The following PCDH9 variants were observed in gnomAD, a reference collection of about 807,000 sequenced individuals.
PCDH9 encodes protocadherin 9, also known as protocadherin-9.
A neutral mutation model predicts 70.6 loss-of-function variants in PCDH9; 24 were observed. That is an observed-to-expected ratio of 0.34 (90% CI 0.25 to 0.48). The LOEUF (loss-of-function observed/expected upper bound fraction) is 0.48. Among genes scored for constraint, PCDH9 ranks in the 20% least tolerant of loss-of-function variants. PCDH9 has a pLI of 0.99. For missense variants in PCDH9, 1,281 were observed against 1,503.6 expected (o/e 0.85, Z 2.45); for synonymous variants, 562 against 558.5 (o/e 1.01, Z -0.09).
chr13:67,226,382 C>T lies in PCDH9; in HGVS notation c.2059G>A (p.Val687Met). The change falls in exon 2 of 5, where the codon GTG (valine) becomes ATG (methionine). Residue 687 changes from valine to methionine, a missense_variant. Val to Met is a conservative substitution (Grantham distance 21, BLOSUM62 1). Around this residue, in one of 4 missense-constraint regions of PCDH9, gnomAD observed 798 missense variants for 1,003.1 expected, o/e 0.80. Coordinates refer to ENST00000377865, the MANE Select transcript of PCDH9 (RefSeq NM_203487.3). The surrounding 1 kb of genome is among the most constrained non-coding windows in gnomAD (Gnocchi z 5.0). ...GAGCCAGGAATGGCTGAGAGGGGCA[C>T]CAACTTAAAGGAAGTATTAGACGGT... ...SPPSNTSFKL[V>M]PLSAIPGSVV... is the part of the protein sequence containing the mutation. 6.2e-7 allele frequency: 1 copy of T among 1,614,114 alleles called. No individual in the cohort carries two copies.
chr13:66,710,326 A>T (rs2078775424), intron 3 of PCDH9, among the ~76,000 whole-genome samples: 2 of 152,160 alleles, frequency 1.3e-5, no homozygotes, highest in South Asian at 4.1e-4. Context: ...AGGAAACAGA[A>T]TGCTTTGCTC....
chr13:67,010,764 T>C (rs1294630676), intron 2 of PCDH9, among the ~76,000 whole-genome samples: 2 of 151,996 alleles, frequency 1.3e-5, no homozygotes, highest in Non-Finnish European at 2.9e-5. Flanking sequence ...ACCTTTACTA[T>C]TAATAATTTA....
intron 3 of PCDH9, among the ~76,000 whole-genome samples, chr13:66,668,190 T>C (rs1007444687): frequency 6.6e-6 from 1 of 152,162 alleles, no homozygotes; most frequent in East Asian, 1.9e-4. Flanking sequence ...CATTTTTCTG[T>C]CTCTTTGTTT....
chr13:66,631,169 C>T, intron 4 of PCDH9, 41 bp downstream of exon 4: 1 of 1,026,404 alleles, frequency 9.7e-7, no homozygotes, highest in Non-Finnish European at 1.5e-6. Flanking sequence ...ACTACAAAAC[C>T]AGAACAACTC....
chr13:67,213,482 T>G (rs997030577), intron 2 of PCDH9: 2 of 152,052 alleles, frequency 1.3e-5, no homozygotes, highest in African/African-American at 4.8e-5. Context: ...TCTGCCTATG[T>G]GGTGGGATTA....
At chr13:66,604,365 C>T (rs559317557) in intron 4 of PCDH9, among the ~76,000 whole-genome samples, 147 of 152,074 alleles carry the variant, frequency 9.7e-4, no homozygotes, top group African/African-American at 3.0e-3. Flanking sequence ...GTATAATAGA[C>T]GAATAAATAG....
At chr13:67,092,010 C>T (rs1475393257) in intron 2 of PCDH9, among the ~76,000 whole-genome samples, 3 of 152,012 alleles carry the variant, frequency 2.0e-5, no homozygotes, top group Admixed American at 6.6e-5. Flanking sequence ...ATACTTATTC[C>T]TAAAATACAG....
chr13:66,681,211 A>G (rs964477841), intron 3 of PCDH9, among the ~76,000 whole-genome samples: 2 of 152,086 alleles, frequency 1.3e-5, no homozygotes, highest in Admixed American at 1.3e-4. Context: ...CCATTGCATT[A>G]TTTCTTTCCT....
chr13:66,922,639 G>T (rs551584576), intron 2 of PCDH9, among the ~76,000 whole-genome samples: 4 of 151,522 alleles, frequency 2.6e-5, no homozygotes, highest in African/African-American at 9.6e-5. Context: ...TTCATGCTTG[G>T]AAAGTTGTGA....
chr13:67,083,590 G>T (rs1031470827), intron 2 of PCDH9, among the ~76,000 whole-genome samples: 1 of 152,038 alleles, frequency 6.6e-6, no homozygotes, highest in African/African-American at 2.4e-5. Flanking sequence ...ATTTTTCTAT[G>T]AAAGGTGCTT....
chr13:66,949,383 T>C (rs2083141270), intron 2 of PCDH9, among the ~76,000 whole-genome samples: 1 of 151,966 alleles, frequency 6.6e-6, no homozygotes, highest in Non-Finnish European at 1.5e-5. Flanking sequence ...GGAGAGAAAA[T>C]AAACATGGAG....
intron 4 of PCDH9, among the ~76,000 whole-genome samples, chr13:66,627,654 A>G (rs2077516428): frequency 6.6e-6 from 1 of 152,082 alleles, no homozygotes; most frequent in Non-Finnish European, 1.5e-5. Flanking sequence ...GTCACAACCT[A>G]AGAGCCCTGC....
At chr13:66,876,262 A>T (rs1201715621) in intron 3 of PCDH9, among the ~76,000 whole-genome samples, 3 of 152,158 alleles carry the variant, frequency 2.0e-5, no homozygotes, top group Non-Finnish European at 4.4e-5. Context: ...AAGTAAAAAA[A>T]AATATTCAAT....
At chr13:67,143,498 T>C (rs2087447750) in intron 2 of PCDH9, among the ~76,000 whole-genome samples, 1 of 152,182 alleles carries the variant, frequency 6.6e-6, no homozygotes, top group Non-Finnish European at 1.5e-5. Context: ...ATTTCTCCCC[T>C]TGTTCACTTT....
intron 3 of PCDH9, among the ~76,000 whole-genome samples, chr13:66,804,695 A>G (rs1838944501): frequency 6.6e-6 from 1 of 152,192 alleles, no homozygotes; most frequent in African/African-American, 2.4e-5. Flanking sequence ...TACTTTTCCT[A>G]TATAAAAATT....
chr13:66,448,676 T>C (rs779873731), intron 4 of PCDH9, among the ~76,000 whole-genome samples: 21 of 152,148 alleles, frequency 1.4e-4, no homozygotes, highest in Non-Finnish European at 2.4e-4. Context: ...AATTAGACCA[T>C]ATATTAAAAG....
intron 4 of PCDH9, among the ~76,000 whole-genome samples, chr13:66,352,682 T>A (rs1196835906): frequency 6.6e-6 from 1 of 152,140 alleles, no homozygotes; most frequent in Admixed American, 6.6e-5. Context: ...CATCTCCAAA[T>A]ACCACCACAT....
intron 3 of PCDH9, among the ~76,000 whole-genome samples, chr13:66,854,800 G>A (rs1272009502): frequency 6.6e-6 from 1 of 152,038 alleles, no homozygotes; most frequent in Non-Finnish European, 1.5e-5. Flanking sequence ...TGTTGGCCAG[G>A]AGTTCAACGT....
chr13:67,136,702 A>G (rs2087241158), intron 2 of PCDH9, among the ~76,000 whole-genome samples: 1 of 152,114 alleles, frequency 6.6e-6, no homozygotes, highest in Non-Finnish European at 1.5e-5. Context: ...TTGGATTTTA[A>G]TTTTATATTT....
Sources: gnomAD v4.1 joint callset for allele counts (sites outside exome capture counted in the v4.1 genomes callset) on GRCh38, gnomAD v4.1.1 for gene constraint, gnomAD v4.1.1 regional missense constraint, Gnocchi (gnomAD v3.1) non-coding constraint, MANE v1.5 for transcripts, NCBI Gene and HGNC (gene_info 2026-07-23, HGNC 2026-07-21) for gene names.